The following RPH3A variants were observed in gnomAD, a reference collection of about 807,000 sequenced individuals.
RPH3A encodes the protein rabphilin-3A.
In RPH3A, 48 loss-of-function variants were observed where a neutral mutation model predicts 102.2. That is an observed-to-expected ratio of 0.47 (90% CI 0.37 to 0.60). The LOEUF (loss-of-function observed/expected upper bound fraction) is 0.60, where lower values mean the gene tolerates loss of function less well. RPH3A is among the 20% of genes least tolerant of loss of function. RPH3A has a pLI of 0.00. For missense variants in RPH3A, 781 were observed against 910.1 expected, an observed-to-expected ratio of 0.86 and a Z score of 1.83; for synonymous variants, 310 against 324.3, an observed-to-expected ratio of 0.96 and a Z score of 0.47.
chr12:112,748,839 T>C (rs574119811), intron 1 of RPH3A, among the ~76,000 whole-genome samples: 3 of 152,226 alleles, frequency 2.0e-5, no homozygotes, highest in Middle Eastern at 3.4e-3. Context: ...CGAACTGATA[T>C]TTTGGGAGAT....
At chr12:112,875,626 A>G in intron 11 of RPH3A, 53 bp from the exon 12 acceptor site, 1 of 1,500,562 alleles carries the variant, frequency 6.7e-7, no homozygotes, top group Non-Finnish European at 9.3e-7. Flanking sequence ...GTGAACCCCC[A>G]AATGATGCCA....
intron 6 of RPH3A, 87 bp from the exon 7 acceptor site, chr12:112,866,670 A>G (rs1305603168): frequency 1.9e-6 from 2 of 1,067,724 alleles, no homozygotes; most frequent in Non-Finnish European, 2.8e-6. Context: ...TCCTCTTTAC[A>G]TCCACCAAGA....
intron 1 of RPH3A, among the ~76,000 whole-genome samples, chr12:112,624,481 A>G (rs1450283782): frequency 6.7e-6 from 1 of 148,912 alleles, no homozygotes; most frequent in Non-Finnish European, 1.5e-5. Context: ...TCCTCAACAC[A>G]TACACTCTCC....
intron 1 of RPH3A, among the ~76,000 whole-genome samples, chr12:112,693,625 G>A (rs1038059357): frequency 1.4e-4 from 22 of 151,898 alleles, no homozygotes; most frequent in Admixed American, 8.5e-4. Flanking sequence ...TGTTTATTGC[G>A]TCTTCTGCTT....
At chr12:112,768,420 C>G (rs1244988943) in intron 1 of RPH3A, among the ~76,000 whole-genome samples, 1 of 152,218 alleles carries the variant, frequency 6.6e-6, no homozygotes, top group Non-Finnish European at 1.5e-5. Context: ...TCCCCTTGTC[C>G]TCTCTGCTCC....
chr12:112,831,663 T>A (rs965853581), intron 3 of RPH3A: 23 of 365,956 alleles, frequency 6.3e-5, no homozygotes, highest in Non-Finnish European at 1.0e-4. Context: ...GAAGTACAGC[T>A]TTTCATTTGG....
At chr12:112,896,425 A>G (rs915048583) in intron 21 of RPH3A, among the ~76,000 whole-genome samples, 2 of 152,188 alleles carry the variant, frequency 1.3e-5, no homozygotes, top group African/African-American at 4.8e-5. Context: ...CAGTGAAATT[A>G]TGACTCAGTG....
intron 1 of RPH3A, among the ~76,000 whole-genome samples, chr12:112,582,037 G>GA (rs1433976077): frequency 6.8e-6 from 1 of 146,574 alleles, no homozygotes; most frequent in Non-Finnish European, 1.5e-5. Flanking sequence ...AAACAATTTG[G>GA]AAAAAATCAA....
chr12:112,773,132 G>C (rs1289683976), intron 1 of RPH3A, among the ~76,000 whole-genome samples: 1 of 151,706 alleles, frequency 6.6e-6, no homozygotes, highest in Non-Finnish European at 1.5e-5. Flanking sequence ...TATATATGTA[G>C]TGTGTGTATA....
At chr12:112,702,208 G>A (rs1486184501) in intron 1 of RPH3A, among the ~76,000 whole-genome samples, 1 of 152,198 alleles carries the variant, frequency 6.6e-6, no homozygotes, top group African/African-American at 2.4e-5. Context: ...ACTCTCTTAG[G>A]TTTTAAAATA....
At chr12:112,752,550 C>A (rs530722980) in intron 1 of RPH3A, among the ~76,000 whole-genome samples, 3 of 150,398 alleles carry the variant, frequency 2.0e-5, no homozygotes, top group East Asian at 1.9e-4. Context: ...TTTGACTTAA[C>A]CTTTCAACAA....
chr12:112,672,933 T>G (rs539695748), intron 1 of RPH3A, among the ~76,000 whole-genome samples: 2 of 152,128 alleles, frequency 1.3e-5, no homozygotes, highest in South Asian at 4.1e-4. Flanking sequence ...AGACCCCAAG[T>G]CAGCCCTCAA....
chr12:112,734,612 CTTGGGCTG>C (rs1201439465), intron 1 of RPH3A, among the ~76,000 whole-genome samples: 7 of 152,178 alleles, frequency 4.6e-5, no homozygotes, highest in Non-Finnish European at 7.3e-5. Context: ...AGAGCAGCAG[CTTGGGCTG>C]CTGGACTCAG....
intron 1 of RPH3A, among the ~76,000 whole-genome samples, chr12:112,637,666 C>A (rs1400886823): frequency 6.6e-6 from 1 of 152,112 alleles, no homozygotes; most frequent in Non-Finnish European, 1.5e-5. Flanking sequence ...CTGAATAAAT[C>A]AACTTTTCCT....
intron 1 of RPH3A, among the ~76,000 whole-genome samples, chr12:112,594,937 A>G (rs1056261303): frequency 6.6e-6 from 1 of 152,208 alleles, no homozygotes; most frequent in East Asian, 1.9e-4. Flanking sequence ...CATTACTCAC[A>G]TGGTATTCTA....
In RPH3A at chr12:112,883,374, G is replaced by A. The variant is rs771156884; in HGVS notation, c.1408G>A (p.Asp470Asn). The A allele has an allele frequency of 1.2e-5, 19 of 1,613,874 alleles. No individual in the cohort carries two copies. Among genetic ancestry groups the A allele is most frequent in the South Asian group, 6.6e-5 (6 of 91,062 alleles). Residue 470 changes from aspartate to asparagine, a missense_variant, in exon 16 of 22, where the codon GAT (aspartate) becomes AAT (asparagine). Asp to Asn is a conservative substitution (Grantham distance 23). This residue lies in a region of RPH3A where 730 missense variants were observed against 810.0 expected (regional missense o/e 0.90). Coordinates refer to ENST00000389385, the MANE Select transcript of RPH3A (RefSeq NM_001143854.2). ...NETLVYHGIT[D>N]EDMQRKTLRI... The stretch of plus-strand genomic sequence containing the variant: ...GACCCTCGTGTATCACGGCATCACC[G>A]ATGAGGACATGCAAAGGAAGACCCT...
At chr12:112,802,821 C>T (rs1418974143) in intron 2 of RPH3A, among the ~76,000 whole-genome samples, 19 of 152,208 alleles carry the variant, frequency 1.2e-4, no homozygotes, top group Admixed American at 1.2e-3. Flanking sequence ...GTCCACTCCC[C>T]AGGGCCTCTG....
At chr12:112,595,978 G>A (rs1466168094) in intron 1 of RPH3A, among the ~76,000 whole-genome samples, 1 of 152,116 alleles carries the variant, frequency 6.6e-6, no homozygotes, top group Non-Finnish European at 1.5e-5. Context: ...ATGTGTGAAG[G>A]GAACAGCTCC....
intron 2 of RPH3A, among the ~76,000 whole-genome samples, chr12:112,803,507 T>TTATTAC (rs2041396764): frequency 6.6e-6 from 1 of 151,352 alleles, no homozygotes; most frequent in Non-Finnish European, 1.5e-5. Context: ...ATTATTATTA[T>TTATTAC]TATTACAATT....
Sources: gnomAD v4.1 joint callset for allele counts (sites outside exome capture counted in the v4.1 genomes callset) on GRCh38, gnomAD v4.1.1 for gene constraint, gnomAD v4.1.1 regional missense constraint, MANE v1.5 for transcripts, NCBI Gene and HGNC (gene_info 2026-07-23, HGNC 2026-07-21) for gene names.